The following GPC3 variants were observed in gnomAD, a reference collection of about 807,000 sequenced individuals.
GPC3 encodes the protein glypican-3.
In GPC3, 3 loss-of-function variants were observed where a neutral mutation model predicts 34.4. That is an observed-to-expected ratio of 0.09 (90% CI 0.04 to 0.23). The LOEUF (loss-of-function observed/expected upper bound fraction) is 0.23, where lower values mean the gene tolerates loss of function less well. Among genes scored for constraint, GPC3 ranks in the 10% least tolerant of loss-of-function variants. The probability of loss-of-function intolerance (pLI) is 1.00; values close to 1 mark genes in which losing one functional copy is unlikely to be tolerated. For missense variants in GPC3, 351 were observed against 445.6 expected (o/e 0.79, Z 1.91); for synonymous variants, 177 against 174.0 (o/e 1.02, Z -0.13).
intron 7 of GPC3, among the ~76,000 whole-genome samples, chrX:133,562,718 T>A (rs2069549705): frequency 1.8e-5 from 2 of 111,805 alleles, no homozygotes; most frequent in Non-Finnish European, 3.8e-5. Context: ...AGGACTTAGA[T>A]GAAATTTGCT....
intron 3 of GPC3, among the ~76,000 whole-genome samples, chrX:133,724,596 C>T (rs1214312299): frequency 8.9e-6 from 1 of 111,921 alleles, no homozygotes; most frequent in Non-Finnish European, 1.9e-5. Flanking sequence ...GTCTACAGTG[C>T]TAGCCTGCTA....
intron 2 of GPC3, among the ~76,000 whole-genome samples, chrX:133,833,147 G>A (rs1267889630): frequency 8.9e-6 from 1 of 111,930 alleles, no homozygotes; most frequent in Non-Finnish European, 1.9e-5. Context: ...AATGGATACT[G>A]CAGGTTTTTA....
chrX:133,708,254 T>A (rs1350136681), intron 3 of GPC3, among the ~76,000 whole-genome samples: 2 of 112,187 alleles, frequency 1.8e-5, no homozygotes, highest in Non-Finnish European at 3.8e-5. Context: ...TTCAAATATA[T>A]GTTTTGTAAA....
intron 5 of GPC3, among the ~76,000 whole-genome samples, chrX:133,672,371 C>T (rs2070835721): frequency 8.9e-6 from 1 of 112,019 alleles, no homozygotes; most frequent in Non-Finnish European, 1.9e-5. Flanking sequence ...GGTCAGGACA[C>T]TAGGCCAGAG....
chrX:133,948,061 G>A (rs1371356024), intron 2 of GPC3, among the ~76,000 whole-genome samples: 5 of 110,743 alleles, frequency 4.5e-5, no homozygotes, highest in South Asian at 3.9e-4. Context: ...TAGTCAGGGG[G>A]AAAGAATTGT....
chrX:133,888,734 T>C (rs747151878), intron 2 of GPC3, among the ~76,000 whole-genome samples: 2 of 112,572 alleles, frequency 1.8e-5, no homozygotes, highest in South Asian at 7.4e-4. Flanking sequence ...ACAGAATTCT[T>C]AGCTTCAATC....
rs144059494 is a variant in GPC3 at position 133,913,291 on chromosome X, T to C, written c.337+39759A>G. 4.3e-3 allele frequency among the ~76,000 whole-genome samples: 482 copies of C among 111,953 alleles called. 2 individuals carry two copies. The highest frequency in any genetic ancestry group is 0.014 in the African/African-American group (443 of 30,801). The stretch of plus-strand genomic sequence containing the variant: ...AGGTAGGAGGAGAGTTAAATTCATG[T>C]AGTGTCTGGAACCAAGGGAAGAGAA... On this transcript the variant is annotated intron_variant, in intron 2 of 7. Coordinates refer to ENST00000370818, the MANE Select transcript of GPC3 (RefSeq NM_004484.4).
intron 6 of GPC3, among the ~76,000 whole-genome samples, chrX:133,599,824 C>T (rs980620059): frequency 8.9e-6 from 1 of 111,790 alleles, no homozygotes; most frequent in Non-Finnish European, 1.9e-5. Context: ...TCAAGCACAC[C>T]TTGCATCTGT....
intron 4 of GPC3, among the ~76,000 whole-genome samples, chrX:133,696,625 A>G (rs73559372): frequency 0.039 from 4,392 of 111,749 alleles, 230 homozygotes; most frequent in African/African-American, 0.13. Context: ...GTAGCCCATG[A>G]CAGACAACAA....
chrX:133,797,003 G>C (rs765963939), intron 2 of GPC3, among the ~76,000 whole-genome samples: 2 of 110,757 alleles, frequency 1.8e-5, no homozygotes, highest in Non-Finnish European at 3.8e-5. Flanking sequence ...GCAATAACTG[G>C]GCCTTTGGAA....
chrX:133,576,065 G>C (rs1296786873), intron 7 of GPC3, among the ~76,000 whole-genome samples: 2 of 111,854 alleles, frequency 1.8e-5, no homozygotes, highest in Non-Finnish European at 3.8e-5. Flanking sequence ...CTGATTCTGA[G>C]CATCAACTCC....
chrX:133,817,159 C>A (rs980679378), intron 2 of GPC3, among the ~76,000 whole-genome samples: 2 of 111,675 alleles, frequency 1.8e-5, no homozygotes, highest in African/African-American at 6.5e-5. Context: ...CTCTGTTTTC[C>A]CCCATATATC....
At chrX:133,575,853 C>T (rs1023428243) in intron 7 of GPC3, among the ~76,000 whole-genome samples, 3 of 111,491 alleles carry the variant, frequency 2.7e-5, no homozygotes, top group Non-Finnish European at 5.6e-5. Flanking sequence ...CCCTCCTTTT[C>T]GGGTCCAGGC....
chrX:133,915,114 G>C (rs1273232400), intron 2 of GPC3, among the ~76,000 whole-genome samples: 5 of 107,958 alleles, frequency 4.6e-5, no homozygotes, highest in Non-Finnish European at 3.8e-5. Context: ...CCATTGTATG[G>C]ATGTACCATG....
intron 6 of GPC3, among the ~76,000 whole-genome samples, chrX:133,650,441 ACACCCACACACC>A (rs1467354417): frequency 2.1e-5 from 2 of 96,401 alleles, no homozygotes; most frequent in Non-Finnish European, 2.1e-5. Flanking sequence ...TGATTTAAAC[ACACCCACACACC>A]CACCCACACA....
At chrX:133,726,741 A>G (rs1030880793) in intron 3 of GPC3, among the ~76,000 whole-genome samples, 1 of 111,691 alleles carries the variant, frequency 9.0e-6, no homozygotes, top group African/African-American at 3.3e-5. Context: ...ACAAAACAAA[A>G]CAAAACAAAA....
Position 133,535,794 on chromosome X carries a change from G to A in GPC3, c.*330C>T. 3.7e-6 allele frequency: 1 copy of A among 268,029 alleles called. No homozygotes were observed. Among genetic ancestry groups the A allele is most frequent in the Non-Finnish European group, 6.6e-6 (1 of 151,084 alleles). 22.1% of individuals were successfully genotyped at this position (268,029 alleles called of 1,213,427 possible). A position where few individuals can be genotyped will look rare whatever the true frequency, so the allele number is the denominator to read the frequency against. ...TTTCAAAGAAATCCATGCAAAGAGA[G>A]AACGATAGAAAGGGAGGGAGTGAGA... On this transcript the variant is annotated 3_prime_UTR_variant, in exon 8 of 8. Transcript: ENST00000370818.
rs768384080 is a variant in GPC3 at position 133,817,844 on chromosome X, C to A, written c.338-63668G>T. On this transcript the variant is annotated intron_variant, in intron 2 of 7. Coordinates refer to ENST00000370818, the MANE Select transcript of GPC3 (RefSeq NM_004484.4). ...AGCTGGCTTTTCATTCCTGCTTCCCCCTCCCTGTGATCACCCCCAATTTCA... is the reference window on the plus strand; with the variant it reads ...AGCTGGCTTTTCATTCCTGCTTCCCACTCCCTGTGATCACCCCCAATTTCA... Among the ~76,000 whole-genome samples, 9 of 108,884 alleles carry A rather than the reference C, an allele frequency of 8.3e-5. No homozygotes were observed. The South Asian group carries it at 3.3e-3, about 40-fold the overall frequency. The allele number at this position is 108,884 out of a possible 115,157, so 94.6% of individuals were successfully genotyped here.
intron 2 of GPC3, among the ~76,000 whole-genome samples, chrX:133,797,168 G>T (rs1257478003): frequency 9.1e-6 from 1 of 110,335 alleles, no homozygotes; most frequent in Non-Finnish European, 1.9e-5. Context: ...CCCAAACCTT[G>T]GATTAGGAAT....
Sources: gnomAD v4.1 joint callset for allele counts (sites outside exome capture counted in the v4.1 genomes callset) on GRCh38, gnomAD v4.1.1 for gene constraint, MANE v1.5 for transcripts, NCBI Gene and HGNC (gene_info 2026-07-23, HGNC 2026-07-21) for gene names.